The following MAD1L1 variants were observed in gnomAD, a reference collection of about 807,000 sequenced individuals.
MAD1L1 encodes the protein mitotic spindle assembly checkpoint protein MAD1.
In MAD1L1, 95 loss-of-function variants were observed where a neutral mutation model predicts 96.9. The ratio of observed to expected loss-of-function variants is 0.98; its 90% CI spans 0.83 to 1.16. MAD1L1 has a LOEUF of 1.16. Ranked by LOEUF, MAD1L1 falls within the 50% of genes most tolerant of loss-of-function variation. The pLI, the probability that MAD1L1 is intolerant of heterozygous loss-of-function variation, is 0.00. For synonymous variants in MAD1L1, 473 were observed against 396.6 expected, an observed-to-expected ratio of 1.19 and a Z score of -2.29; for missense variants, 1,007 against 954.4, an observed-to-expected ratio of 1.06 and a Z score of -0.73.
intron 11 of MAD1L1, among the ~76,000 whole-genome samples, chr7:2,080,649 C>G (rs1785595202): frequency 6.6e-6 from 1 of 152,112 alleles, no homozygotes; most frequent in Non-Finnish European, 1.5e-5. Flanking sequence ...GCTCTGACGC[C>G]AAGTCCATCC....
At chr7:2,169,229 T>C (rs1281692540) in intron 10 of MAD1L1, among the ~76,000 whole-genome samples, 2 of 152,160 alleles carry the variant, frequency 1.3e-5, no homozygotes, top group Non-Finnish European at 2.9e-5. Flanking sequence ...AGTCCGCATG[T>C]AGACAGTGAA....
At chr7:2,168,376 C>T (rs577306612) in intron 10 of MAD1L1, among the ~76,000 whole-genome samples, 3 of 152,290 alleles carry the variant, frequency 2.0e-5, no homozygotes, top group Non-Finnish European at 2.9e-5. Context: ...AGGACTTTAA[C>T]GAACAGAAAC....
At chr7:1,959,054 C>A (rs1236452608) in intron 15 of MAD1L1, among the ~76,000 whole-genome samples, 5 of 152,170 alleles carry the variant, frequency 3.3e-5, no homozygotes, top group Non-Finnish European at 5.9e-5. Context: ...GAGTTCAAAA[C>A]CAGCCTGGCC....
At chr7:1,994,656 G>C (rs568405186) in intron 14 of MAD1L1, among the ~76,000 whole-genome samples, 2 of 150,716 alleles carry the variant, frequency 1.3e-5, no homozygotes, top group East Asian at 2.0e-4. Flanking sequence ...GCGGAGCCTC[G>C]GGGGGGGGAT....
chr7:2,121,115 G>A lies in MAD1L1; in HGVS notation c.1073+28037C>T, dbSNP rs947410407. Among the ~76,000 whole-genome samples the A allele has an allele frequency of 1.3e-3, 191 of 152,212 alleles. 1 individual carries two copies. The highest frequency in any genetic ancestry group is 4.3e-3 in the African/African-American group (180 of 41,564). On this transcript the variant is annotated intron_variant, in intron 11 of 18. Coordinates refer to ENST00000265854, the MANE Select transcript of MAD1L1 (RefSeq NM_001013836.2). ...CCCGGCGCAGGCTCCCAGGGCAGGC[G>A]CCCCGCCACAGCATTCACCAGGACG... is the stretch of plus-strand genomic sequence containing the variant.
intron 17 of MAD1L1, among the ~76,000 whole-genome samples, chr7:1,902,069 G>A (rs540257183): frequency 1.7e-4 from 26 of 152,162 alleles, no homozygotes; most frequent in Admixed American, 3.3e-4. Context: ...AGGATGCAGC[G>A]GCGGCTGCCC....
intron 18 of MAD1L1, among the ~76,000 whole-genome samples, chr7:1,880,811 T>A (rs1785640284): frequency 6.6e-6 from 1 of 152,058 alleles, no homozygotes; most frequent in Admixed American, 6.5e-5. Flanking sequence ...GAGCCTGGGA[T>A]CCAGAAAAGA....
At chr7:2,192,096 T>C (rs1250770093) in intron 10 of MAD1L1, among the ~76,000 whole-genome samples, 2 of 151,246 alleles carry the variant, frequency 1.3e-5, no homozygotes, top group Admixed American at 6.6e-5. Context: ...AGGGTGGAGG[T>C]AGCACGTTAA....
chr7:1,899,637 G>C (rs1330386268), intron 17 of MAD1L1, among the ~76,000 whole-genome samples: 3 of 152,198 alleles, frequency 2.0e-5, no homozygotes, highest in African/African-American at 7.2e-5. Context: ...TCCTGAGTTA[G>C]AGATGAGTCT....
At chr7:1,883,902 G>T (rs1785843172) in intron 18 of MAD1L1, among the ~76,000 whole-genome samples, 1 of 152,198 alleles carries the variant, frequency 6.6e-6, no homozygotes, top group Admixed American at 6.5e-5. Context: ...CCTGACACAC[G>T]GTCAGGCCAG....
chr7:1,911,503 C>G (rs1283263119), intron 17 of MAD1L1, among the ~76,000 whole-genome samples: 3 of 152,240 alleles, frequency 2.0e-5, no homozygotes, highest in African/African-American at 4.8e-5. Context: ...ACAGTCCTCC[C>G]AGACACCCCA....
rs74859990 is a variant in MAD1L1, at chr7:2,009,107, G to T, written c.1359+5395C>A. Reference sequence around the variant, plus strand: ...TGAAGGGTCACACACAGCTCTTTCCGGGTGGGACCACGTGTCCCGGGTGGC... The same window carrying T: ...TGAAGGGTCACACACAGCTCTTTCCTGGTGGGACCACGTGTCCCGGGTGGC... On this transcript the variant is annotated intron_variant, in intron 13 of 18. Coordinates refer to ENST00000265854, the MANE Select transcript of MAD1L1 (RefSeq NM_001013836.2). Among the ~76,000 whole-genome samples the T allele has an allele frequency of 9.4e-3, 1,428 of 152,326 alleles. 21 individuals are homozygous for T. The highest frequency in any genetic ancestry group is 0.033 in the African/African-American group (1,370 of 41,554).
At chr7:2,029,857 G>A (rs944726643) in intron 12 of MAD1L1, among the ~76,000 whole-genome samples, 1 of 152,184 alleles carries the variant, frequency 6.6e-6, no homozygotes, top group Non-Finnish European at 1.5e-5. Flanking sequence ...TGAGGTTGAT[G>A]TGCGAGTTAT....
chr7:2,016,453 G>A (rs964185229), intron 12 of MAD1L1, among the ~76,000 whole-genome samples: 5 of 152,126 alleles, frequency 3.3e-5, no homozygotes, highest in South Asian at 2.1e-4. Flanking sequence ...GGTCCCTTCC[G>A]TGCGGCCTCC....
intron 18 of MAD1L1, among the ~76,000 whole-genome samples, chr7:1,891,674 G>C (rs1786549331): frequency 6.6e-6 from 1 of 152,112 alleles, no homozygotes; most frequent in African/African-American, 2.4e-5. Flanking sequence ...CTAACTCCTG[G>C]GGCTCAAGTA....
intron 12 of MAD1L1, among the ~76,000 whole-genome samples, chr7:2,019,118 G>A (rs577288035): frequency 1.5e-4 from 23 of 152,206 alleles, no homozygotes; most frequent in Non-Finnish European, 2.8e-4. Context: ...GCCCACTGAC[G>A]CCGGCACCAT....
chr7:1,850,458 G>A (rs1239062495), intron 18 of MAD1L1, among the ~76,000 whole-genome samples: 1 of 152,248 alleles, frequency 6.6e-6, no homozygotes, highest in African/African-American at 2.4e-5. Flanking sequence ...TGGGGCCCAG[G>A]CTTCCTCTAG....
intron 11 of MAD1L1, among the ~76,000 whole-genome samples, chr7:2,126,671 G>A (rs1292893412): frequency 6.6e-6 from 1 of 152,224 alleles, no homozygotes; most frequent in Non-Finnish European, 1.5e-5. Flanking sequence ...CATCTCTGGG[G>A]ACCGGCCTCT....
intron 12 of MAD1L1, among the ~76,000 whole-genome samples, chr7:2,047,285 C>T (rs1277096119): frequency 2.6e-5 from 4 of 152,184 alleles, no homozygotes; most frequent in South Asian, 2.1e-4. Context: ...GAAAACCCAC[C>T]GGCACGAGGA....
Sources: allele counts gnomAD v4.1 joint callset (sites outside exome capture counted in the v4.1 genomes callset), GRCh38; gene constraint gnomAD v4.1.1; transcripts MANE v1.5; gene names NCBI Gene and HGNC (gene_info 2026-07-23, HGNC 2026-07-21).